SNX30: variants seen among roughly 807,000 people sequenced by gnomAD.
The protein encoded by SNX30 is sorting nexin-30.
SNX30 carries 24 observed loss-of-function variants against 46.4 expected under a neutral mutation model. The ratio of observed to expected loss-of-function variants is 0.52; its 90% CI spans 0.37 to 0.73. SNX30 has a LOEUF of 0.73. SNX30 is among the 30% of genes least tolerant of loss of function. SNX30 has a pLI of 0.00. For missense variants in SNX30, 533 were observed against 555.7 expected, an observed-to-expected ratio of 0.96 and a Z score of 0.41; for synonymous variants, 189 against 211.5, an observed-to-expected ratio of 0.89 and a Z score of 0.92.
intron 2 of SNX30, among the ~76,000 whole-genome samples, chr9:112,806,297 C>T (rs1356809597): frequency 3.3e-5 from 5 of 152,126 alleles, no homozygotes; most frequent in African/African-American, 1.2e-4. Context: ...ACAATATTGA[C>T]ATTATTAGGG....
intron 1 of SNX30, among the ~76,000 whole-genome samples, chr9:112,764,370 C>T (rs1198746325): frequency 6.6e-6 from 1 of 152,062 alleles, no homozygotes; most frequent in South Asian, 2.1e-4. Flanking sequence ...AAGTGTTTGT[C>T]GTCGTTGTTG....
intron 2 of SNX30, among the ~76,000 whole-genome samples, chr9:112,814,883 A>G (rs1840374182): frequency 6.6e-6 from 1 of 152,240 alleles, no homozygotes; most frequent in Non-Finnish European, 1.5e-5. Context: ...GAAAAATTGG[A>G]AACAACTTAA....
Position 112,836,216 on chromosome 9 carries a change from C to T in SNX30, c.621C>T (p.Asp207=). 1 of 1,591,348 alleles carries T rather than the reference C, an allele frequency of 6.3e-7. No homozygotes were observed. Among genetic ancestry groups the T allele is most frequent in the Non-Finnish European group, 8.6e-7 (1 of 1,160,972 alleles). ...EHFNIFLTAK[D]LNAYKKQGIA... is the part of the protein sequence containing the mutation. ...GCTTATTCACATATCATCCTCAGGA[C>T]CTGAACGCCTACAAGAAGCAAGGGA... Residue 207 remains aspartate, a splice_region_variant and synonymous_variant, in exon 5 of 9, where the codon GAC becomes GAT. Coordinates refer to ENST00000374232, the MANE Select transcript of SNX30 (RefSeq NM_001012994.2).
intron 2 of SNX30, among the ~76,000 whole-genome samples, chr9:112,812,598 A>G (rs997966088): frequency 3.9e-5 from 6 of 152,112 alleles, no homozygotes; most frequent in African/African-American, 1.4e-4. Context: ...TTGCTTTCCA[A>G]AGCATCAAGC....
intron 6 of SNX30, among the ~76,000 whole-genome samples, chr9:112,843,453 G>A (rs143213610): frequency 2.0e-5 from 3 of 152,130 alleles, no homozygotes; most frequent in East Asian, 1.9e-4. Context: ...CTGCGCAAGG[G>A]TCGGAGGATG....
At chr9:112,810,579 T>C (rs1035629421) in intron 2 of SNX30, among the ~76,000 whole-genome samples, 13 of 152,078 alleles carry the variant, frequency 8.5e-5, no homozygotes, top group African/African-American at 3.1e-4. Context: ...GCCTGAAATA[T>C]AGGGGATGCC....
intron 3 of SNX30, among the ~76,000 whole-genome samples, chr9:112,818,642 A>G (rs1225312180): frequency 1.3e-5 from 2 of 152,232 alleles, no homozygotes; most frequent in African/African-American, 4.8e-5. Context: ...AGTTTGAGTC[A>G]TAAAACTCCT....
intron 1 of SNX30, among the ~76,000 whole-genome samples, chr9:112,762,240 G>T (rs529493144): frequency 5.3e-5 from 7 of 132,846 alleles, no homozygotes; most frequent in Admixed American, 7.7e-5. Flanking sequence ...GTGTGTTGGT[G>T]GGGGGGAAGT....
intron 2 of SNX30, among the ~76,000 whole-genome samples, chr9:112,809,791 G>A (rs1588123587): frequency 6.6e-6 from 1 of 152,072 alleles, no homozygotes; most frequent in African/African-American, 2.4e-5. Flanking sequence ...AGAGAGAAGA[G>A]TGTTAGAATT....
intron 4 of SNX30, among the ~76,000 whole-genome samples, chr9:112,835,024 G>T (rs1385829086): frequency 2.6e-5 from 4 of 152,168 alleles, no homozygotes; most frequent in African/African-American, 9.7e-5. Flanking sequence ...ATGCGGAGGG[G>T]CTGTTGGGCC....
At chr9:112,854,857 C>T (rs1451699288) in intron 7 of SNX30, among the ~76,000 whole-genome samples, 1 of 152,204 alleles carries the variant, frequency 6.6e-6, no homozygotes, top group Non-Finnish European at 1.5e-5. Context: ...AGTTGCCTCC[C>T]ACACATGAGT....
intron 7 of SNX30, among the ~76,000 whole-genome samples, chr9:112,856,150 A>G (rs913004382): frequency 6.6e-6 from 1 of 152,122 alleles, no homozygotes; most frequent in African/African-American, 2.4e-5. Context: ...GTTATCTTCA[A>G]AAAGTAAATA....
At position 112,750,839 on chromosome 9, in the gene SNX30, C is replaced by G. The variant is rs961254982; in HGVS notation, c.-163C>G. 11 of 494,540 alleles carry G rather than the reference C, an allele frequency of 2.2e-5. No individual in the cohort carries two copies. The highest frequency in any genetic ancestry group is 2.1e-4 in the African/African-American group (10 of 47,546). The allele number at this position is 494,540 out of a possible 1,614,324, so 30.6% of individuals were successfully genotyped here. A position where few individuals can be genotyped will look rare whatever the true frequency, so the allele number is the denominator to read the frequency against. On this transcript the variant is annotated 5_prime_UTR_variant, in exon 1 of 9. Coordinates refer to ENST00000374232, the MANE Select transcript of SNX30 (RefSeq NM_001012994.2). ...CGGCGCGGAGCGGAGCGTCTGAGCG[C>G]CGGCAGAGACCAGCCGGCGGGTGGC...
At chr9:112,848,329 G>A (rs1386270945) in intron 6 of SNX30, among the ~76,000 whole-genome samples, 6 of 152,054 alleles carry the variant, frequency 3.9e-5, no homozygotes, top group Non-Finnish European at 8.8e-5. Flanking sequence ...AATAGAGACT[G>A]GGCTGGGGGC....
intron 2 of SNX30, among the ~76,000 whole-genome samples, chr9:112,809,929 C>T (rs574356314): frequency 3.6e-4 from 54 of 151,624 alleles, no homozygotes; most frequent in Non-Finnish European, 5.4e-4. Context: ...CTGCCAGTTG[C>T]GCAGTATTGG....
At position 112,836,417 on chromosome 9, in the gene SNX30, G is replaced by C. The variant is rs1201176296; in HGVS notation, c.814+8G>C. The C allele has an allele frequency of 6.3e-7, 1 of 1,584,184 alleles. No individual in the cohort carries two copies. The highest frequency in any genetic ancestry group is 1.1e-5 in the South Asian group (1 of 90,030). Reference sequence around the variant, plus strand: ...TCATCAAAGAAGAAATAGGTGAGCTGTCTGTTGAGGTCTCGATTATGCCCT... The same window carrying C: ...TCATCAAAGAAGAAATAGGTGAGCTCTCTGTTGAGGTCTCGATTATGCCCT... On this transcript the variant is annotated splice_region_variant and intron_variant, in intron 5 of 8. Coordinates refer to ENST00000374232, the MANE Select transcript of SNX30 (RefSeq NM_001012994.2).
chr9:112,864,209 T>C (rs754063893), intron 7 of SNX30, 38 bp from the exon 8 acceptor site: 2 of 1,610,046 alleles, frequency 1.2e-6, no homozygotes, highest in East Asian at 4.5e-5. Context: ...GATGCCAGTT[T>C]TGTGTGCAGG....
intron 7 of SNX30, among the ~76,000 whole-genome samples, chr9:112,852,677 C>T (rs62576438): frequency 0.093 from 14,216 of 152,208 alleles, 704 homozygotes; most frequent in African/African-American, 0.12. Flanking sequence ...TGGTACCCTG[C>T]AGTTTGACTT....
At chr9:112,794,471 G>T (rs561784168) in intron 1 of SNX30, among the ~76,000 whole-genome samples, 2 of 152,264 alleles carry the variant, frequency 1.3e-5, no homozygotes, top group Admixed American at 1.3e-4. Context: ...TTAAGCATCT[G>T]CTGTGTACCT....
Sources: gnomAD v4.1 joint callset for allele counts (sites outside exome capture counted in the v4.1 genomes callset) on GRCh38, gnomAD v4.1.1 for gene constraint, MANE v1.5 for transcripts, NCBI Gene and HGNC (gene_info 2026-07-23, HGNC 2026-07-21) for gene names.